The following DAB1 variants were observed in gnomAD, a reference collection of about 807,000 sequenced individuals.
DAB1 encodes the protein disabled homolog 1.
A neutral mutation model predicts 64.6 loss-of-function variants in DAB1; 15 were observed. The observed-to-expected ratio is 0.23, with a 90% CI of 0.16 to 0.36. The LOEUF is 0.36. Among genes scored for constraint, DAB1 ranks in the 10% least tolerant of loss-of-function variants. The probability of loss-of-function intolerance (pLI) is 1.00; values close to 1 mark genes in which losing one functional copy is unlikely to be tolerated. For synonymous variants in DAB1, 235 were observed against 251.9 expected, an observed-to-expected ratio of 0.93 and a Z score of 0.64; for missense variants, 596 against 706.7, an observed-to-expected ratio of 0.84 and a Z score of 1.78.
rs989939679 is a variant in DAB1, at chr1:57,206,990, T to G, written c.68-61561A>C. Among the ~76,000 whole-genome samples the G allele has an allele frequency of 5.4e-4, 78 of 144,892 alleles. 1 individual carries two copies. The South Asian group carries it at 0.015, about 28-fold the overall frequency. On this transcript the variant is annotated intron_variant, in intron 2 of 14. Transcript: ENST00000371236. ...TTCCTTTTTTTTTTTTTTTTTTTTT[T>G]GGAGTTTCGCTCTTGTTGCCCAGGC...
intron 1 of DAB1, among the ~76,000 whole-genome samples, chr1:57,836,559 C>T (rs762971427): frequency 1.3e-5 from 2 of 152,198 alleles, no homozygotes; most frequent in Non-Finnish European, 2.9e-5. Flanking sequence ...GGGGCTGACT[C>T]ATTCAGAATC....
intron 4 of DAB1, among the ~76,000 whole-genome samples, chr1:58,228,210 C>T (rs1172847330): frequency 1.3e-5 from 2 of 152,098 alleles, no homozygotes; most frequent in African/African-American, 4.8e-5. Context: ...AAGTCAAACA[C>T]GAAATCTAGT....
chr1:58,330,037 T>C (rs748658787), intron 4 of DAB1, among the ~76,000 whole-genome samples: 4 of 152,182 alleles, frequency 2.6e-5, no homozygotes, highest in Non-Finnish European at 5.9e-5. Flanking sequence ...GAAAGGCACA[T>C]TGAAAGCTGA....
At chr1:58,243,444 C>T (rs1660389050) in intron 4 of DAB1, among the ~76,000 whole-genome samples, 1 of 152,080 alleles carries the variant, frequency 6.6e-6, no homozygotes, top group Non-Finnish European at 1.5e-5. Context: ...ATCATGTGTG[C>T]TTTGCTAAAT....
At chr1:58,047,651 G>GT (rs1194426937) in intron 5 of DAB1, among the ~76,000 whole-genome samples, 3 of 152,094 alleles carry the variant, frequency 2.0e-5, no homozygotes, top group African/African-American at 7.2e-5. Flanking sequence ...TAATCACATT[G>GT]AATTACAGCA....
chr1:58,358,868 G>A, intron 3 of DAB1, among the ~76,000 whole-genome samples: 1 of 143,852 alleles, frequency 7.0e-6, no homozygotes, highest in East Asian at 2.0e-4. Context: ...AGCTCTTTCT[G>A]TCTCTCTCTC....
intron 5 of DAB1, among the ~76,000 whole-genome samples, chr1:58,081,915 G>A (rs1650021517): frequency 6.6e-6 from 1 of 152,082 alleles, no homozygotes; most frequent in South Asian, 2.1e-4. Flanking sequence ...AGCTAATACT[G>A]TCACAAGACA....
Position 57,149,241 on chromosome 1 carries a change from G to A in DAB1, c.68-3812C>T, listed in dbSNP as rs1410814272. 4.6e-5 allele frequency among the ~76,000 whole-genome samples: 7 copies of A among 152,092 alleles called. No homozygotes were observed. In the East Asian group the frequency reaches 1.4e-3, roughly 29 times the overall value. ...ATACCACATTAGCTCATAGATCTTT[G>A]GGTTGTTTCCATTCTTCAGCTATTA... On this transcript the variant is annotated intron_variant, in intron 2 of 14. Transcript: ENST00000371236.
chr1:58,098,088 C>T (rs1481751388), intron 5 of DAB1, among the ~76,000 whole-genome samples: 1 of 152,134 alleles, frequency 6.6e-6, no homozygotes, highest in East Asian at 1.9e-4. Flanking sequence ...CCTAAGAAAA[C>T]ACGTTTAAGA....
chr1:57,121,139 AAGG>A lies in DAB1; in HGVS notation c.306+15401_306+15403del, dbSNP rs759548105. ...AGAGGAAGAAGAAGAAGAGAAGAAG[AAGG>A]AGGAGGAGGAGGAGGAGGAGGAGAA... On this transcript the variant is annotated intron_variant, in intron 4 of 14. Transcript: ENST00000371236. Among the ~76,000 whole-genome samples the A allele has an allele frequency of 3.1e-3, 240 of 78,508 alleles. 1 individual carries two copies. Among genetic ancestry groups the A allele is most frequent in the African/African-American group, 6.1e-3 (168 of 27,454 alleles). 51.5% of individuals were successfully genotyped at this position (78,508 alleles called of 152,430 possible). A position where few individuals can be genotyped will look rare whatever the true frequency, so the allele number is the denominator to read the frequency against.
At chr1:58,398,661 T>C (rs1359801313) in intron 3 of DAB1, among the ~76,000 whole-genome samples, 1 of 152,188 alleles carries the variant, frequency 6.6e-6, no homozygotes, top group Non-Finnish European at 1.5e-5. Flanking sequence ...TTTGCAGGAG[T>C]AATTACTCTG....
chr1:57,145,500 C>T, intron 2 of DAB1, 71 bp from the exon 3 acceptor site: 1 of 1,512,350 alleles, frequency 6.6e-7, no homozygotes, highest in South Asian at 1.2e-5. Flanking sequence ...TCCACAATTC[C>T]AAGATCCGCT....
At chr1:57,468,786 T>C (rs1570548454) in intron 7 of DAB1, among the ~76,000 whole-genome samples, 1 of 152,342 alleles carries the variant, frequency 6.6e-6, no homozygotes, top group Middle Eastern at 3.4e-3. Flanking sequence ...TCTGTCCCAA[T>C]AGAGCTCTGA....
chr1:57,646,303 A>G (rs1646190534), intron 7 of DAB1, among the ~76,000 whole-genome samples: 1 of 152,228 alleles, frequency 6.6e-6, no homozygotes. Context: ...TGCTTTAGCA[A>G]CTATTCAGAA....
chr1:58,037,311 G>A (rs2100494854), intron 5 of DAB1, among the ~76,000 whole-genome samples: 1 of 152,232 alleles, frequency 6.6e-6, no homozygotes, highest in East Asian at 1.9e-4. Flanking sequence ...TTCTGATGAG[G>A]ATAGCTCTGA....
chr1:57,069,663 T>C (rs1260958070), intron 7 of DAB1, among the ~76,000 whole-genome samples: 1 of 152,224 alleles, frequency 6.6e-6, no homozygotes, highest in Non-Finnish European at 1.5e-5. Flanking sequence ...GCATCGAGCC[T>C]CTGCAGATCT....
Position 57,889,143 on chromosome 1 carries a change from G to A in DAB1, n.388-4981C>T, listed in dbSNP as rs113567592. On this transcript the variant is annotated intron_variant and non_coding_transcript_variant, in intron 5 of 20. Coordinates refer to the DAB1 transcript ENST00000485760. ...TTTCTAGGTTGTGGTGAGTATTTGA[G>A]GTAAACTAACTTGCAGCATAGTGCC... 2.3e-3 allele frequency among the ~76,000 whole-genome samples: 357 copies of A among 152,292 alleles called. 4 individuals carry two copies. Among genetic ancestry groups the A allele is most frequent in the African/African-American group, 8.3e-3 (343 of 41,568 alleles).
chr1:57,373,471 C>T (rs1021248442), intron 1 of DAB1, among the ~76,000 whole-genome samples: 10 of 152,114 alleles, frequency 6.6e-5, no homozygotes, highest in African/African-American at 2.4e-4. Flanking sequence ...AGCCCCCTAC[C>T]TGCCCCCTCA....
chr1:58,263,342 T>C (rs1030722216), intron 4 of DAB1, among the ~76,000 whole-genome samples: 1 of 152,216 alleles, frequency 6.6e-6, no homozygotes, highest in Non-Finnish European at 1.5e-5. Context: ...TTCCTTGCTC[T>C]TGCTAGCTTA....
Sources: allele counts gnomAD v4.1 joint callset (sites outside exome capture counted in the v4.1 genomes callset), GRCh38; gene constraint gnomAD v4.1.1; transcripts MANE v1.5; gene names NCBI Gene and HGNC (gene_info 2026-07-23, HGNC 2026-07-21).